IWS1: variants seen among roughly 807,000 people sequenced by gnomAD.
IWS1 encodes the protein protein IWS1 homolog.
IWS1 carries 27 observed loss-of-function variants against 86.7 expected under a neutral mutation model. The observed-to-expected ratio is 0.31, with a 90% CI of 0.23 to 0.43. IWS1 has a LOEUF of 0.43. Ranked by LOEUF, IWS1 falls within the 20% of genes least tolerant of loss-of-function variation. The pLI, the probability that IWS1 is intolerant of heterozygous loss-of-function variation, is 1.00. For missense variants in IWS1, 827 were observed against 1,000.8 expected (o/e 0.83, Z 2.34); for synonymous variants, 313 against 335.1 (o/e 0.93, Z 0.72).
In IWS1 at chr2:127,505,806, A is replaced by T. The variant is rs1424594433; in HGVS notation, c.151-54T>A. On this transcript the variant is annotated intron_variant, in intron 2 of 13. Transcript: ENST00000295321. This position sits in a 1 kb window ranked among gnomAD's most constrained non-coding sequence, Gnocchi z 5.0. ...AAAGTGCAAAAAAAAAAAAACCATT[A>T]ATAATAAAACATTAAATTTTTTCTG... The T allele has an allele frequency of 2.7e-5, 31 of 1,165,516 alleles. No individual in the cohort carries two copies. In the South Asian group the frequency reaches 4.9e-4, roughly 19 times the overall value. 72.2% of individuals were successfully genotyped at this position (1,165,516 alleles called of 1,614,324 possible).
chr2:127,483,720 C>T (rs554286896), intron 13 of IWS1, among the ~76,000 whole-genome samples: 101 of 151,702 alleles, frequency 6.7e-4, no homozygotes, highest in African/African-American at 2.4e-3. Context: ...GCCTCAAACT[C>T]CTGGGCTCGA....
intron 13 of IWS1, among the ~76,000 whole-genome samples, chr2:127,485,634 T>C (rs1227682534): frequency 6.6e-6 from 1 of 152,164 alleles, no homozygotes; most frequent in Non-Finnish European, 1.5e-5. Flanking sequence ...AAGACCCAAA[T>C]GCATATTAGG....
chr2:127,519,876 A>G (rs1691992196), intron 2 of IWS1, among the ~76,000 whole-genome samples: 1 of 152,208 alleles, frequency 6.6e-6, no homozygotes, highest in South Asian at 2.1e-4. Flanking sequence ...TGAGTTGTGA[A>G]GATGCTATGC....
In IWS1 at chr2:127,499,598, T is replaced by C. The variant is rs1300167254; in HGVS notation, c.1468-1361A>G. Reference sequence around the variant, plus strand: ...GGTGCTTAACTAAGTATGAGCTCCATGAAGGCAGTGTCCAGTCTCTGAAAC... The same window carrying C: ...GGTGCTTAACTAAGTATGAGCTCCACGAAGGCAGTGTCCAGTCTCTGAAAC... On this transcript the variant is annotated intron_variant, in intron 5 of 13. Coordinates refer to ENST00000295321, the MANE Select transcript of IWS1 (RefSeq NM_017969.3). This position sits in a 1 kb window ranked among gnomAD's most constrained non-coding sequence, Gnocchi z 4.0. Among the ~76,000 whole-genome samples, 2 of 152,196 alleles carry C rather than the reference T, an allele frequency of 1.3e-5. No individual in the cohort carries two copies. The highest frequency in any genetic ancestry group is 1.5e-5 in the Non-Finnish European group (1 of 68,030).
At chr2:127,522,633 A>G (rs1692161666) in intron 2 of IWS1, among the ~76,000 whole-genome samples, 1 of 152,222 alleles carries the variant, frequency 6.6e-6, no homozygotes, top group African/African-American at 2.4e-5. Flanking sequence ...CACACCTACT[A>G]AAAATTGGAC....
intron 1 of IWS1, among the ~76,000 whole-genome samples, chr2:127,524,596 T>C (rs1389536226): frequency 5.9e-5 from 9 of 151,768 alleles, no homozygotes; most frequent in Non-Finnish European, 1.2e-4. Flanking sequence ...TGGAGTGCAA[T>C]GGTGTGATCT....
chr2:127,490,667 T>C (rs547424554), intron 10 of IWS1: 8 of 152,310 alleles, frequency 5.3e-5, no homozygotes, highest in Admixed American at 2.6e-4. Context: ...AACCACCCCA[T>C]TGACCCCACT....
rs1371922885 is a variant in IWS1, at chr2:127,505,699, G to A, written c.204C>T (p.Asp68=). The change falls in exon 3 of 14, where the codon GAC becomes GAT. Residue 68 remains aspartate (D), a synonymous_variant. Transcript: ENST00000295321. This position sits in a 1 kb window ranked among gnomAD's most constrained non-coding sequence, Gnocchi z 5.0. ...DGLPKGHHVT[D]SENDEPLNLN... The stretch of plus-strand genomic sequence containing the variant: ...GATTTAAGGGCTCATCGTTCTCAGA[G>A]TCTGTCACATGATGTCCTTTGGGGA... The A allele has an allele frequency of 1.2e-6, 2 of 1,612,272 alleles. No individual in the cohort carries two copies. The highest frequency in any genetic ancestry group is 4.5e-5 in the East Asian group (2 of 44,868).
rs769622832 is a variant in IWS1 at position 127,505,307 on chromosome 2, T to G, written c.596A>C (p.Glu199Ala). 6.6e-5 allele frequency: 106 copies of G among 1,613,834 alleles called. No individual in the cohort carries two copies. Among genetic ancestry groups the G allele is most frequent in the Non-Finnish European group, 8.2e-5 (97 of 1,179,986 alleles). ...EPPRHQASDS[E>A]NEEPPKPRMS... Reference sequence around the variant, plus strand: ...TCGAGGTTTGGGAGGCTCCTCATTTTCGGAGTCACTGGCTTGGTGCCTTGG... The same window carrying G: ...TCGAGGTTTGGGAGGCTCCTCATTTGCGGAGTCACTGGCTTGGTGCCTTGG... Residue 199 changes from glutamate to alanine, a missense_variant, in exon 3 of 14, where the codon GAA (glutamate) becomes GCA (alanine). This residue lies in a region of IWS1 where 548 missense variants were observed against 560.2 expected (regional missense o/e 0.98). Transcript: ENST00000295321. This position sits in a 1 kb window ranked among gnomAD's most constrained non-coding sequence, Gnocchi z 5.0.
intron 5 of IWS1, chr2:127,501,627 C>T (rs1328333678): frequency 6.6e-6 from 1 of 152,164 alleles, no homozygotes; most frequent in Non-Finnish European, 1.5e-5. Flanking sequence ...CCAGATCTCT[C>T]CTTCTAAGCC....
chr2:127,519,075 T>A (rs1176272720), intron 2 of IWS1, among the ~76,000 whole-genome samples: 1 of 152,218 alleles, frequency 6.6e-6, no homozygotes, highest in Non-Finnish European at 1.5e-5. Context: ...TTTTGAGTTT[T>A]AAAATATCAT....
chr2:127,526,490 G>A, upstream of IWS1: 2 of 1,514,638 alleles, frequency 1.3e-6, no homozygotes, highest in Non-Finnish European at 1.8e-6. Context: ...AATGGCGTCT[G>A]CCCACGACCC....
intron 2 of IWS1, among the ~76,000 whole-genome samples, chr2:127,510,936 T>G (rs756313506): frequency 1.3e-5 from 2 of 152,178 alleles, no homozygotes; most frequent in African/African-American, 2.4e-5. Flanking sequence ...AGATATTAAT[T>G]CAGTGTATCT....
chr2:127,485,091 G>A (rs1209031448), intron 13 of IWS1, among the ~76,000 whole-genome samples: 1 of 152,130 alleles, frequency 6.6e-6, no homozygotes, highest in Non-Finnish European at 1.5e-5. Flanking sequence ...CACGGATATG[G>A]GCACAAGAAA....
chr2:127,524,832 T>C (rs1288974965), intron 1 of IWS1, among the ~76,000 whole-genome samples: 2 of 151,654 alleles, frequency 1.3e-5, no homozygotes, highest in African/African-American at 4.8e-5. Context: ...AAAACACAAA[T>C]GAATGGAAAA....
At chr2:127,500,097 T>A (rs564703087) in intron 5 of IWS1, among the ~76,000 whole-genome samples, 37 of 152,294 alleles carry the variant, frequency 2.4e-4, no homozygotes, top group African/African-American at 7.9e-4. Flanking sequence ...AAGAAAAAGA[T>A]TGGTAAATTT....
chr2:127,522,641 G>C (rs370668900), intron 2 of IWS1, among the ~76,000 whole-genome samples: 61 of 152,240 alleles, frequency 4.0e-4, no homozygotes, highest in African/African-American at 1.4e-3. Context: ...CTAAAAATTG[G>C]ACAATTTTCT....
Position 127,504,770 on chromosome 2 carries a change from T to C in IWS1, c.1133A>G (p.Asp378Gly), listed in dbSNP as rs1691022508. Residue 378 changes from aspartate to glycine, a missense_variant, in exon 3 of 14, where the codon GAT (aspartate) becomes GGT (glycine). This residue lies in a region of IWS1 where 548 missense variants were observed against 560.2 expected (regional missense o/e 0.98). Transcript: ENST00000295321. ...EEHKKQKMDS[D>G]EDEKEGEEEK... The stretch of plus-strand genomic sequence containing the variant: ...CTCCTCACCCTCTTTTTCATCTTCA[T>C]CACTGTCCATTTTTTGCTTTTTGTG... 3.7e-6 allele frequency: 6 copies of C among 1,614,094 alleles called. No homozygotes were observed. The African/African-American group carries it at 6.7e-5, about 18-fold the overall frequency.
intron 2 of IWS1, among the ~76,000 whole-genome samples, chr2:127,523,072 G>A (rs760886882): frequency 5.9e-5 from 9 of 152,120 alleles, no homozygotes; most frequent in Non-Finnish European, 1.2e-4. Flanking sequence ...AGCTGGACGT[G>A]GTGGCCTGTG....
Sources: gnomAD v4.1 joint callset for allele counts (sites outside exome capture counted in the v4.1 genomes callset) on GRCh38, gnomAD v4.1.1 for gene constraint, gnomAD v4.1.1 regional missense constraint, Gnocchi (gnomAD v3.1) non-coding constraint, MANE v1.5 for transcripts, NCBI Gene and HGNC (gene_info 2026-07-23, HGNC 2026-07-21) for gene names.